MFAP5: variants seen among roughly 807,000 people sequenced by gnomAD.
MFAP5 encodes the protein microfibril associated protein 5, also known as microfibrillar-associated protein 5.
Under a neutral mutation model 30.1 loss-of-function variants are expected in MFAP5, and 19 were observed. The observed-to-expected ratio is 0.63, with a 90% CI of 0.44 to 0.93. The LOEUF is 0.93. MFAP5 is among the 40% of genes least tolerant of loss of function. The pLI, the probability that MFAP5 is intolerant of heterozygous loss-of-function variation, is 0.00. For missense variants in MFAP5, 210 were observed against 221.3 expected, an observed-to-expected ratio of 0.95 and a Z score of 0.32; for synonymous variants, 92 against 72.9, an observed-to-expected ratio of 1.26 and a Z score of -1.33.
At chr12:8,656,851 A>T (rs764506527) in intron 3 of MFAP5, among the ~76,000 whole-genome samples, 2 of 151,794 alleles carry the variant, frequency 1.3e-5, no homozygotes, top group African/African-American at 4.8e-5. Context: ...TATTTTTAGT[A>T]GAGATGGGGT....
At chr12:8,660,355 A>AT (rs1189291793) in intron 3 of MFAP5, among the ~76,000 whole-genome samples, 133 of 145,984 alleles carry the variant, frequency 9.1e-4, no homozygotes, top group Middle Eastern at 3.6e-3. Flanking sequence ...TGCCAGGCTA[A>AT]TTTTTTTTTT....
chr12:8,657,503 T>C (rs1487000168), intron 3 of MFAP5, among the ~76,000 whole-genome samples: 1 of 151,642 alleles, frequency 6.6e-6, no homozygotes, highest in Non-Finnish European at 1.5e-5. Flanking sequence ...TCAATGTAAA[T>C]AGCTTATATT....
intron 7 of MFAP5, among the ~76,000 whole-genome samples, chr12:8,651,267 CTG>C (rs1296666543): frequency 6.6e-6 from 1 of 152,208 alleles, no homozygotes; most frequent in Non-Finnish European, 1.5e-5. Flanking sequence ...TGCTATTTCT[CTG>C]TTCCAGTAGT....
chr12:8,662,233 A>G, intron 1 of MFAP5, 127 bp from the exon 2 acceptor site: 1 of 702,186 alleles, frequency 1.4e-6, no homozygotes, highest in Non-Finnish European at 2.4e-6. Context: ...ATTTTCCCTT[A>G]TGACTCAAAC....
At position 8,654,313 on chromosome 12, in the gene MFAP5, T is replaced by C. The variant is rs774667349; in HGVS notation, c.217+124A>G. The C allele has an allele frequency of 3.4e-4, 300 of 875,500 alleles. 1 individual carries two copies. Among genetic ancestry groups the C allele is most frequent in the South Asian group, 1.0e-3 (58 of 56,268 alleles). The allele number at this position is 875,500 out of a possible 1,614,324, so 54.2% of individuals were successfully genotyped here. A position where few individuals can be genotyped will look rare whatever the true frequency, so the allele number is the denominator to read the frequency against. ...AATTTGAATTGAACTACTGGAAATA[T>C]GTGCTCCATAAACTGTCATCCTGTC... On this transcript the variant is annotated intron_variant, in intron 6 of 9. Transcript: ENST00000359478.
In MFAP5 at chr12:8,648,169, A is replaced by C. The variant is rs144375450; in HGVS notation, c.444T>G (p.Pro148=). 1.8e-5 allele frequency: 29 copies of C among 1,613,644 alleles called. No individual in the cohort carries two copies. Among genetic ancestry groups the C allele is most frequent in the African/African-American group, 4.0e-5 (3 of 74,866 alleles). ...ELCRQMAGLP[P]RRLRRSNYFR... is the part of the protein sequence containing the mutation. ...AGTAATTGGAGCGACGGAGTCTCCTAGGGGGCAGACCAGCCATCTGACGGC... is the reference window on the plus strand; with the variant it reads ...AGTAATTGGAGCGACGGAGTCTCCTCGGGGGCAGACCAGCCATCTGACGGC... The change falls in exon 10 of 10, where the codon CCT becomes CCG. Residue 148 remains proline, a synonymous_variant. Coordinates refer to ENST00000359478, the MANE Select transcript of MFAP5 (RefSeq NM_003480.4).
chr12:8,655,339 A>G, intron 5 of MFAP5, 76 bp downstream of exon 5: 1 of 1,281,096 alleles, frequency 7.8e-7, no homozygotes, highest in Non-Finnish European at 1.1e-6. Context: ...CACAGAATGA[A>G]TTCAAGAGCT....
chr12:8,653,154 TGCACTCCA>T, intron 6 of MFAP5, among the ~76,000 whole-genome samples: 1 of 149,936 alleles, frequency 6.7e-6, no homozygotes, highest in Non-Finnish European at 1.5e-5. Context: ...ATCGCGCTAT[TGCACTCCA>T]GCCTGGGCAA....
At chr12:8,661,236 T>C (rs780793373) in intron 2 of MFAP5, among the ~76,000 whole-genome samples, 13 of 152,232 alleles carry the variant, frequency 8.5e-5, no homozygotes, top group African/African-American at 3.1e-4. Flanking sequence ...TGGCAGCCCT[T>C]CTAGCCCCAC....
At chr12:8,657,642 G>A (rs918891769) in intron 3 of MFAP5, among the ~76,000 whole-genome samples, 4 of 144,430 alleles carry the variant, frequency 2.8e-5, no homozygotes, top group Non-Finnish European at 4.5e-5. Context: ...GCATGATCTC[G>A]GCTCACTGCA....
rs1942162381 is a variant in MFAP5, at chr12:8,661,933, A to G, written c.58+114T>C. On this transcript the variant is annotated intron_variant, in intron 2 of 9. Transcript: ENST00000359478. ...CTTCTAATAGGAATTCCAGAGCTCAATACCAAGCATCTCTACTGCTATTCC... is the reference window on the plus strand; with the variant it reads ...CTTCTAATAGGAATTCCAGAGCTCAGTACCAAGCATCTCTACTGCTATTCC... 11 of 1,030,426 alleles carry G rather than the reference A, an allele frequency of 1.1e-5. No homozygotes were observed. In the South Asian group the frequency reaches 1.2e-4, roughly 11 times the overall value. 63.8% of individuals were successfully genotyped at this position (1,030,426 alleles called of 1,614,324 possible). A position where few individuals can be genotyped will look rare whatever the true frequency, so the allele number is the denominator to read the frequency against.
chr12:8,650,275 C>T (rs985043061), intron 8 of MFAP5: 11 of 519,930 alleles, frequency 2.1e-5, no homozygotes, highest in Middle Eastern at 5.1e-4. Flanking sequence ...CTTCCTCCAG[C>T]GCCCACCTTC....
chr12:8,662,666 T>G lies in MFAP5; in HGVS notation c.-42A>C, dbSNP rs1371407205. On this transcript the variant is annotated 5_prime_UTR_variant, in exon 1 of 10. Transcript: ENST00000359478. ...TGCTCTTTCCACCGAGTCCTTTGGC[T>G]GCTGAATGTGTCTCTCTCCTCTTAC... 1 of 153,084 alleles carries G rather than the reference T, an allele frequency of 6.5e-6. No homozygotes were observed. Among genetic ancestry groups the G allele is most frequent in the Non-Finnish European group, 1.5e-5 (1 of 68,894 alleles). The allele number at this position is 153,084 out of a possible 1,614,324, so 9.5% of individuals were successfully genotyped here. A position where few individuals can be genotyped will look rare whatever the true frequency, so the allele number is the denominator to read the frequency against.
intron 2 of MFAP5, among the ~76,000 whole-genome samples, chr12:8,661,247 G>A (rs1409762095): frequency 2.0e-5 from 3 of 151,992 alleles, no homozygotes; most frequent in African/African-American, 7.2e-5. Flanking sequence ...CTAGCCCCAC[G>A]GCTTCCCCGC....
chr12:8,652,206 A>G (rs1171497858), intron 6 of MFAP5, among the ~76,000 whole-genome samples: 1 of 152,168 alleles, frequency 6.6e-6, no homozygotes, highest in Non-Finnish European at 1.5e-5. Context: ...GCACTTTGGG[A>G]GGCCAAGGCA....
rs1421461762 is a variant in MFAP5 at position 8,647,379 on chromosome 12, A to C, written c.*712T>G. The C allele has an allele frequency of 4.6e-5, 7 of 152,244 alleles. No individual in the cohort carries two copies. Among genetic ancestry groups the C allele is most frequent in the African/African-American group, 1.4e-4 (6 of 41,468 alleles). 9.4% of individuals were successfully genotyped at this position (152,244 alleles called of 1,614,324 possible). On this transcript the variant is annotated 3_prime_UTR_variant, in exon 10 of 10. Transcript: ENST00000359478. ...CCTTACTTCCCGACTAGACAACTGC[A>C]TGAAAAATTGGATAGCGAATTATGA... is the stretch of plus-strand genomic sequence containing the variant.
chr12:8,662,378 G>C (rs57047982), intron 1 of MFAP5: 1 of 410,324 alleles, frequency 2.4e-6, no homozygotes, highest in Non-Finnish European at 4.4e-6. Context: ...TACATGGTCC[G>C]TACTTGGCCC....
At chr12:8,658,005 A>G (rs1296311050) in intron 3 of MFAP5, among the ~76,000 whole-genome samples, 1 of 152,356 alleles carries the variant, frequency 6.6e-6, no homozygotes, top group East Asian at 1.9e-4. Flanking sequence ...AGCATTTCAT[A>G]GGAATTTCCC....
chr12:8,653,897 G>A (rs936140535), intron 6 of MFAP5, among the ~76,000 whole-genome samples: 9 of 152,134 alleles, frequency 5.9e-5, no homozygotes, highest in Admixed American at 3.9e-4. Context: ...GGCCGAGGCA[G>A]GTGGATCACC....
Sources: allele counts gnomAD v4.1 joint callset (sites outside exome capture counted in the v4.1 genomes callset), GRCh38; gene constraint gnomAD v4.1.1; transcripts MANE v1.5; gene names NCBI Gene and HGNC (gene_info 2026-07-23, HGNC 2026-07-21).